ADD1: variants seen among roughly 807,000 people sequenced by gnomAD.
ADD1 encodes the protein adducin 1.
A neutral mutation model predicts 80.5 loss-of-function variants in ADD1; 24 were observed. The ratio of observed to expected loss-of-function variants is 0.30; its 90% CI spans 0.22 to 0.42. The LOEUF is 0.42. Ranked by LOEUF, ADD1 falls within the 10% of genes least tolerant of loss-of-function variation. The pLI is 1.00. For synonymous variants in ADD1, 373 were observed against 393.8 expected (o/e 0.95, Z 0.63); for missense variants, 948 against 1,019.0 (o/e 0.93, Z 0.95).
intron 2 of ADD1, among the ~76,000 whole-genome samples, chr4:2,876,698 G>T (rs952882282): frequency 6.6e-6 from 1 of 152,134 alleles, no homozygotes; most frequent in Non-Finnish European, 1.5e-5. Flanking sequence ...AATTAGCCAG[G>T]CGTAGTGGCG....
In ADD1 at chr4:2,908,664, A is replaced by T; in HGVS notation, c.1698+60A>T. On this transcript the variant is annotated intron_variant, in intron 12 of 15. Transcript: ENST00000683351. Reference sequence around the variant, plus strand: ...GGTGGCTGTGTGACCGCCTGCTCCAAAGTTATTCTGAAATTGAGAGAGTGA... The same window carrying T: ...GGTGGCTGTGTGACCGCCTGCTCCATAGTTATTCTGAAATTGAGAGAGTGA... 6.5e-6 allele frequency: 9 copies of T among 1,382,190 alleles called. No individual in the cohort carries two copies. The South Asian group carries it at 9.3e-5, about 14-fold the overall frequency. The allele number at this position is 1,382,190 out of a possible 1,614,324, so 85.6% of individuals were successfully genotyped here. A position where few individuals can be genotyped will look rare whatever the true frequency, so the allele number is the denominator to read the frequency against.
At chr4:2,850,488 C>T (rs965585786) in intron 1 of ADD1, among the ~76,000 whole-genome samples, 10 of 151,990 alleles carry the variant, frequency 6.6e-5, no homozygotes, top group African/African-American at 9.7e-5. Context: ...TGCAGTGGCA[C>T]GATCTTGGCT....
Position 2,928,293 on chromosome 4 carries a change from G to A in ADD1, c.2170G>A (p.Glu724Lys), listed in dbSNP as rs749912546. 19 of 1,613,930 alleles carry A rather than the reference G, an allele frequency of 1.2e-5. No homozygotes were observed. The highest frequency in any genetic ancestry group is 1.2e-5 in the Non-Finnish European group (14 of 1,180,036). The change falls in exon 16 of 16, where the codon GAG becomes AAG. Residue 724 changes from glutamate (E) to lysine (K), a missense_variant. Coordinates refer to ENST00000683351, the MANE Select transcript of ADD1 (RefSeq NM_001354761.2). ...ALGFPMLEKEEEAHRPPSPTE... is the reference protein window; with the variant it reads ...ALGFPMLEKEKEAHRPPSPTE... Reference sequence around the variant, plus strand: ...CGGCTTCCCAATGTTAGAGAAGGAGGAGGAAGCCCATAGACCCCCAAGCCC... The same window carrying A: ...CGGCTTCCCAATGTTAGAGAAGGAGAAGGAAGCCCATAGACCCCCAAGCCC...
intron 6 of ADD1, among the ~76,000 whole-genome samples, chr4:2,896,915 C>T (rs547604266): frequency 1.3e-5 from 2 of 152,124 alleles, no homozygotes; most frequent in South Asian, 2.1e-4. Flanking sequence ...CACGCCACTG[C>T]ACCTGGCTAA....
chr4:2,852,796 G>C (rs929531494), intron 1 of ADD1, among the ~76,000 whole-genome samples: 1 of 151,122 alleles, frequency 6.6e-6, no homozygotes, highest in Admixed American at 6.6e-5. Context: ...GACCTCGTGG[G>C]CCCGAGCAGT....
At chr4:2,893,966 A>C (rs781670939) in intron 4 of ADD1, 47 bp from the exon 5 acceptor site, 14 of 1,545,576 alleles carry the variant, frequency 9.1e-6, no homozygotes, top group Non-Finnish European at 1.2e-5. Flanking sequence ...AGAGATGCAA[A>C]TAATTTCACT....
At chr4:2,898,936 T>C (rs1735718828) in intron 8 of ADD1, 2 of 381,690 alleles carry the variant, frequency 5.2e-6, no homozygotes, top group Non-Finnish European at 9.6e-6. Flanking sequence ...TCCCCTCCGC[T>C]CCGTCAGCCG....
chr4:2,867,106 T>A (rs1360130227), intron 1 of ADD1, among the ~76,000 whole-genome samples: 1 of 152,038 alleles, frequency 6.6e-6, no homozygotes, highest in African/African-American at 2.4e-5. Context: ...ACAAAAACAC[T>A]GAGTCAGTCT....
rs532025671 is a variant in ADD1 at position 2,884,045 on chromosome 4, T to G, written c.359-470T>G. 2.0e-5 allele frequency among the ~76,000 whole-genome samples: 3 copies of G among 152,360 alleles called. No individual in the cohort carries two copies. In the South Asian group the frequency reaches 6.2e-4, roughly 32 times the overall value. On this transcript the variant is annotated intron_variant, in intron 3 of 15. Coordinates refer to ENST00000683351, the MANE Select transcript of ADD1 (RefSeq NM_001354761.2). ...TTATCTTATTTTATTATTTGTATTT[T>G]ATTTTTAAACTTCTCAGAGATTCAA... is the stretch of plus-strand genomic sequence containing the variant.
At chr4:2,870,058 A>G (rs1214274094) in intron 1 of ADD1, among the ~76,000 whole-genome samples, 3 of 152,186 alleles carry the variant, frequency 2.0e-5, no homozygotes, top group East Asian at 1.9e-4. Context: ...GTAAGTTTTC[A>G]TGTTCCAGCT....
At chr4:2,854,958 C>T (rs997381045) in intron 1 of ADD1, 1 of 152,174 alleles carries the variant, frequency 6.6e-6, no homozygotes, top group South Asian at 2.1e-4. Flanking sequence ...ATCTGTTCCT[C>T]GCCTCTTCCA....
intron 1 of ADD1, among the ~76,000 whole-genome samples, chr4:2,864,733 G>T (rs900024833): frequency 2.6e-5 from 4 of 151,836 alleles, no homozygotes; most frequent in African/African-American, 9.7e-5. Context: ...CTCTCCAGGA[G>T]GTGGGGGGCG....
At chr4:2,844,952 T>G (rs1725952128) in intron 1 of ADD1, 1 of 152,130 alleles carries the variant, frequency 6.6e-6, no homozygotes, top group Non-Finnish European at 1.5e-5. Flanking sequence ...GAAAACAAGC[T>G]TGGAGTGGAT....
chr4:2,901,844 A>C (rs1364567928), intron 9 of ADD1: 1 of 111,868 alleles, frequency 8.9e-6, no homozygotes, highest in African/African-American at 4.4e-5. Context: ...AAAAATGCTA[A>C]ATTGTCCCCC....
At chr4:2,895,939 G>A (rs1735126570) in intron 6 of ADD1, among the ~76,000 whole-genome samples, 1 of 151,242 alleles carries the variant, frequency 6.6e-6, no homozygotes. Flanking sequence ...CCAGGCTGGA[G>A]TGCAATGGCG....
At chr4:2,876,673 A>G (rs1170966838) in intron 2 of ADD1, among the ~76,000 whole-genome samples, 1 of 152,058 alleles carries the variant, frequency 6.6e-6, no homozygotes, top group African/African-American at 2.4e-5. Context: ...CATCTCTACT[A>G]AAAATACAAA....
At chr4:2,867,898 G>C (rs1729791254) in intron 1 of ADD1, 1 of 152,180 alleles carries the variant, frequency 6.6e-6, no homozygotes, top group Non-Finnish European at 1.5e-5. Context: ...ACTGTGTTGT[G>C]CCTTATCTGC....
intron 5 of ADD1, 117 bp from the exon 6 acceptor site, chr4:2,894,465 C>T (rs1330199100): frequency 2.9e-5 from 26 of 882,956 alleles, no homozygotes; most frequent in Middle Eastern, 3.6e-4. Flanking sequence ...AGGCCGAGGT[C>T]GCACCACTGC....
intron 14 of ADD1, 32 bp downstream of exon 14, chr4:2,915,072 C>T (rs1738766284): frequency 6.3e-7 from 1 of 1,580,832 alleles, no homozygotes; most frequent in African/African-American, 1.4e-5. Flanking sequence ...CACGGCCACT[C>T]CAGAAGGTGA....
Sources: allele counts gnomAD v4.1 joint callset (sites outside exome capture counted in the v4.1 genomes callset), GRCh38; gene constraint gnomAD v4.1.1; transcripts MANE v1.5; gene names NCBI Gene and HGNC (gene_info 2026-07-23, HGNC 2026-07-21).